RORA: variants seen among roughly 807,000 people sequenced by gnomAD.
The protein encoded by RORA is nuclear receptor ROR-alpha.
RORA carries 7 observed loss-of-function variants against 69.5 expected under a neutral mutation model. The observed-to-expected ratio is 0.10, with a 90% CI of 0.06 to 0.19. The LOEUF is 0.19. RORA is among the 10% of genes least tolerant of loss of function. RORA has a pLI of 1.00. For synonymous variants in RORA, 261 were observed against 240.8 expected (o/e 1.08, Z -0.78); for missense variants, 457 against 663.0 (o/e 0.69, Z 3.41).
chr15:61,077,643 T>C (rs569191389), intron 1 of RORA, among the ~76,000 whole-genome samples: 1 of 152,306 alleles, frequency 6.6e-6, no homozygotes, highest in Admixed American at 6.5e-5. Context: ...TCTCCATGTT[T>C]ACCTAAGAAA....
intron 2 of RORA, among the ~76,000 whole-genome samples, chr15:60,642,568 A>G (rs1327420167): frequency 6.6e-6 from 1 of 152,186 alleles, no homozygotes; most frequent in African/African-American, 2.4e-5. Context: ...GATGGGTAAC[A>G]TGCACACTTC....
At chr15:61,137,717 G>T (rs2079258938) in intron 1 of RORA, among the ~76,000 whole-genome samples, 3 of 152,170 alleles carry the variant, frequency 2.0e-5, no homozygotes, top group African/African-American at 4.8e-5. Flanking sequence ...CACTCTTGCT[G>T]AACAATCAAT....
intron 1 of RORA, among the ~76,000 whole-genome samples, chr15:60,825,019 G>A (rs2072938566): frequency 6.6e-6 from 1 of 152,236 alleles, no homozygotes. Flanking sequence ...GCTGCCTACT[G>A]CTGATACCTG....
chr15:60,515,983 A>ATATT lies in RORA; in HGVS notation c.283-1227_283-1226insAATA, dbSNP rs2065876160. ...TATATTTATATATATTTATATATTTATATATATTTATATATATTTATATAT... is the reference window on the plus strand; with the variant it reads ...TATATTTATATATATTTATATATTTATATTTATATATTTATATATATTTATATAT... On this transcript the variant is annotated intron_variant, in intron 3 of 10. Transcript: ENST00000335670. Among the ~76,000 whole-genome samples, 6 of 7,432 alleles carry ATATT rather than the reference A, an allele frequency of 8.1e-4. 1 individual carries two copies. In the East Asian group the frequency reaches 0.037, roughly 45 times the overall value. The allele number at this position is 7,432 out of a possible 152,430, so 4.9% of individuals were successfully genotyped here. A position where few individuals can be genotyped will look rare whatever the true frequency, so the allele number is the denominator to read the frequency against.
In RORA at chr15:61,122,641, T is replaced by C. The variant is rs974863010; in HGVS notation, c.166+106412A>G. 4.6e-5 allele frequency among the ~76,000 whole-genome samples: 7 copies of C among 152,172 alleles called. No homozygotes were observed. In the East Asian group the frequency reaches 1.4e-3, roughly 30 times the overall value. On this transcript the variant is annotated intron_variant, in intron 1 of 10. Transcript: ENST00000335670. Reference sequence around the variant, plus strand: ...GATGAAAAAATTGAGGCTAAGAGAATCAGTAATTTTTTTTTCCCTAAGCTT... The same window carrying C: ...GATGAAAAAATTGAGGCTAAGAGAACCAGTAATTTTTTTTTCCCTAAGCTT...
intron 1 of RORA, among the ~76,000 whole-genome samples, chr15:60,845,265 G>T (rs760071664): frequency 6.6e-6 from 1 of 152,102 alleles, no homozygotes; most frequent in Non-Finnish European, 1.5e-5. Flanking sequence ...TTGATTTATC[G>T]GTGTGTGTCC....
chr15:61,038,156 C>G (rs1012189941), intron 1 of RORA, among the ~76,000 whole-genome samples: 1 of 152,152 alleles, frequency 6.6e-6, no homozygotes, highest in Non-Finnish European at 1.5e-5. Flanking sequence ...AAAGCAAACC[C>G]TCTGCATTAA....
intron 2 of RORA, among the ~76,000 whole-genome samples, chr15:60,662,390 A>C (rs796323662): frequency 5.9e-5 from 9 of 152,354 alleles, no homozygotes; most frequent in African/African-American, 2.2e-4. Flanking sequence ...AACTGTCAAA[A>C]TCTAAAAAGT....
chr15:60,936,760 G>C (rs992368993), intron 1 of RORA, among the ~76,000 whole-genome samples: 1 of 152,234 alleles, frequency 6.6e-6, no homozygotes, highest in Non-Finnish European at 1.5e-5. Flanking sequence ...TAGCTAGTTA[G>C]AAAAACTAGC....
rs2065148655 is a variant in RORA at position 60,495,635 on chromosome 15, A to G, written c.*1820T>C. 6.6e-6 allele frequency: 1 copy of G among 152,170 alleles called. No homozygotes were observed. 9.4% of individuals were successfully genotyped at this position (152,170 alleles called of 1,614,324 possible). On this transcript the variant is annotated 3_prime_UTR_variant, in exon 11 of 11. Transcript: ENST00000335670. Reference sequence around the variant, plus strand: ...AGGGACCCCAATGGCAGAGGAGACTATTTCTCAGACATAAAGGGCTGCATG... The same window carrying G: ...AGGGACCCCAATGGCAGAGGAGACTGTTTCTCAGACATAAAGGGCTGCATG...
At chr15:61,228,802 G>A (rs1305330408) in intron 1 of RORA, among the ~76,000 whole-genome samples, 17 of 151,696 alleles carry the variant, frequency 1.1e-4, no homozygotes, top group Non-Finnish European at 2.5e-4. Flanking sequence ...GGGTGAGCCC[G>A]CCGGCTGTCA....
At chr15:60,847,971 T>A (rs1378140840) in intron 1 of RORA, 2 of 152,278 alleles carry the variant, frequency 1.3e-5, no homozygotes, top group East Asian at 1.9e-4. Context: ...CACGTTCCAC[T>A]GCACTCAGAA....
chr15:61,199,823 G>T (rs1023750311), intron 1 of RORA, among the ~76,000 whole-genome samples: 4 of 152,176 alleles, frequency 2.6e-5, no homozygotes, highest in African/African-American at 9.7e-5. Flanking sequence ...GCATATACCT[G>T]ACTGAGGAAT....
intron 1 of RORA, among the ~76,000 whole-genome samples, chr15:60,872,189 T>A (rs1221617707): frequency 6.6e-6 from 1 of 152,188 alleles, no homozygotes; most frequent in Non-Finnish European, 1.5e-5. Flanking sequence ...TAAGCTGTGA[T>A]CTTGCATTGG....
intron 1 of RORA, among the ~76,000 whole-genome samples, chr15:61,078,418 C>A (rs921636001): frequency 1.3e-5 from 2 of 151,350 alleles, no homozygotes; most frequent in Non-Finnish European, 2.9e-5. Context: ...AGGCTGGTCT[C>A]GAACTTCTGA....
rs149134401 is a variant in RORA, at chr15:60,745,789, G to A, written c.167-67103C>T. ...CTTCATTTTTTTCCCTCCTGCACAAGGACAGGGACAGAGGCAGCCAAAAAC... is the reference window on the plus strand; with the variant it reads ...CTTCATTTTTTTCCCTCCTGCACAAAGACAGGGACAGAGGCAGCCAAAAAC... On this transcript the variant is annotated intron_variant, in intron 1 of 10. Transcript: ENST00000335670. 2.0e-5 allele frequency among the ~76,000 whole-genome samples: 3 copies of A among 152,262 alleles called. No homozygotes were observed. The East Asian group carries it at 5.8e-4, about 29-fold the overall frequency.
At chr15:60,988,817 T>C (rs1001568353) in intron 1 of RORA, among the ~76,000 whole-genome samples, 1 of 152,190 alleles carries the variant, frequency 6.6e-6, no homozygotes, top group African/African-American at 2.4e-5. Context: ...CAGAGATTGG[T>C]ATGTGCACCC....
chr15:60,774,595 T>C (rs1345112614), intron 1 of RORA, among the ~76,000 whole-genome samples: 1 of 152,238 alleles, frequency 6.6e-6, no homozygotes. Flanking sequence ...CCAGTCTTAG[T>C]GGTATTTGGG....
chr15:60,640,349 T>C (rs2069920509), intron 2 of RORA, among the ~76,000 whole-genome samples: 1 of 152,244 alleles, frequency 6.6e-6, no homozygotes. Flanking sequence ...ATTGCTGCCA[T>C]GTCAGTCCAA....
Sources: gnomAD v4.1 joint callset for allele counts (sites outside exome capture counted in the v4.1 genomes callset) on GRCh38, gnomAD v4.1.1 for gene constraint, MANE v1.5 for transcripts, NCBI Gene and HGNC (gene_info 2026-07-23, HGNC 2026-07-21) for gene names.